The following FAT3 variants were observed in gnomAD, a reference collection of about 807,000 sequenced individuals.
FAT3 encodes protocadherin Fat 3.
Under a neutral mutation model 310.2 loss-of-function variants are expected in FAT3, and 95 were observed. The ratio of observed to expected loss-of-function variants is 0.31; its 90% CI spans 0.26 to 0.36. The LOEUF (loss-of-function observed/expected upper bound fraction) is 0.36, where lower values mean the gene tolerates loss of function less well. Ranked by LOEUF, FAT3 falls within the 10% of genes least tolerant of loss-of-function variation. The pLI, the probability that FAT3 is intolerant of heterozygous loss-of-function variation, is 1.00. For synonymous variants in FAT3, 2,314 were observed against 2,192.9 expected (o/e 1.06, Z -1.54); for missense variants, 5,408 against 5,715.6 (o/e 0.95, Z 1.74).
chr11:92,335,325 T>G (rs899046150), intron 1 of FAT3, among the ~76,000 whole-genome samples: 1 of 152,210 alleles, frequency 6.6e-6, no homozygotes, highest in Non-Finnish European at 1.5e-5. Context: ...ACTCTTTGAC[T>G]TGTTATTTAG....
intron 3 of FAT3, among the ~76,000 whole-genome samples, chr11:92,612,515 A>G (rs1940613738): frequency 6.6e-6 from 1 of 152,226 alleles, no homozygotes; most frequent in Non-Finnish European, 1.5e-5. Context: ...CAGGATTTCT[A>G]TGCAATTCAA....
chr11:92,876,145 T>G (rs962946008), intron 22 of FAT3, among the ~76,000 whole-genome samples: 1 of 152,192 alleles, frequency 6.6e-6, no homozygotes, highest in Non-Finnish European at 1.5e-5. Flanking sequence ...CAAGTTTACC[T>G]ACCTTGCCTT....
intron 1 of FAT3, among the ~76,000 whole-genome samples, chr11:92,312,013 G>A (rs973719707): frequency 4.0e-5 from 6 of 151,732 alleles, no homozygotes; most frequent in African/African-American, 1.5e-4. Context: ...CAAATACTTC[G>A]CCTTCATAAT....
chr11:92,687,463 C>T (rs1396033114), intron 3 of FAT3, among the ~76,000 whole-genome samples: 1 of 152,196 alleles, frequency 6.6e-6, no homozygotes, highest in African/African-American at 2.4e-5. Context: ...AGGCCCAGTA[C>T]AAACACAGCT....
intron 2 of FAT3, among the ~76,000 whole-genome samples, chr11:92,404,460 A>C (rs1269251190): frequency 6.6e-6 from 1 of 151,690 alleles, no homozygotes; most frequent in Admixed American, 6.6e-5. Context: ...ACCTTTGTCA[A>C]ATTCTCAACA....
In FAT3 at chr11:92,271,978, G is replaced by T. The variant is rs1485717185; in HGVS notation, c.-18+46804G>T. 2.0e-5 allele frequency among the ~76,000 whole-genome samples: 3 copies of T among 152,080 alleles called. No individual in the cohort carries two copies. In the East Asian group the frequency reaches 5.8e-4, roughly 29 times the overall value. ...TTCTTTCTTAGTTTGGGGGTAGTTT[G>T]TGTGAGACTGTACTCTTTTCATTAT... On this transcript the variant is annotated intron_variant, in intron 1 of 27. Transcript: ENST00000525166.
chr11:92,655,772 A>G (rs1254788656), intron 3 of FAT3, among the ~76,000 whole-genome samples: 3 of 152,136 alleles, frequency 2.0e-5, no homozygotes, highest in South Asian at 4.1e-4. Flanking sequence ...ATTGCCGTCA[A>G]TGGACCAAAC....
At chr11:92,613,934 A>G (rs969191829) in intron 3 of FAT3, among the ~76,000 whole-genome samples, 5 of 152,014 alleles carry the variant, frequency 3.3e-5, no homozygotes, top group Admixed American at 2.6e-4. Context: ...CAGCAACCAT[A>G]TGTCTATTTT....
At chr11:92,744,929 G>A (rs529522352) in intron 4 of FAT3, among the ~76,000 whole-genome samples, 28 of 152,214 alleles carry the variant, frequency 1.8e-4, no homozygotes, top group Non-Finnish European at 3.1e-4. Flanking sequence ...CTGCTAAATC[G>A]CCCAGAAATC....
At chr11:92,753,065 C>T (rs1174495635) in intron 4 of FAT3, among the ~76,000 whole-genome samples, 3 of 152,170 alleles carry the variant, frequency 2.0e-5, no homozygotes, top group Admixed American at 1.3e-4. Context: ...ATTTGACCCT[C>T]CTCCCATCTA....
At chr11:92,451,126 T>C (rs906746696) in intron 2 of FAT3, among the ~76,000 whole-genome samples, 4 of 152,308 alleles carry the variant, frequency 2.6e-5, no homozygotes, top group Admixed American at 2.0e-4. Context: ...TTTCAAGCAC[T>C]TGACTGAAAG....
At chr11:92,497,458 A>AT (rs1565362407) in intron 2 of FAT3, among the ~76,000 whole-genome samples, 2 of 152,056 alleles carry the variant, frequency 1.3e-5, no homozygotes. Flanking sequence ...GCTCTTGCAC[A>AT]TACATTTTTC....
chr11:92,816,118 A>C (rs549003981), intron 13 of FAT3, among the ~76,000 whole-genome samples: 236 of 152,358 alleles, frequency 1.5e-3, no homozygotes, highest in Non-Finnish European at 1.7e-3. Flanking sequence ...AAATGCTAAG[A>C]GTTGGGACTT....
intron 1 of FAT3, among the ~76,000 whole-genome samples, chr11:92,235,202 A>C (rs1234220846): frequency 6.6e-6 from 1 of 151,948 alleles, no homozygotes; most frequent in Non-Finnish European, 1.5e-5. Context: ...AGTTCCCCTC[A>C]TCTCTCAGGG....
chr11:92,455,449 A>T (rs1951471259), intron 2 of FAT3, among the ~76,000 whole-genome samples: 2 of 152,112 alleles, frequency 1.3e-5, no homozygotes, highest in African/African-American at 2.4e-5. Flanking sequence ...TTGTTAATTC[A>T]TGGGCTGATG....
At chr11:92,334,010 C>A (rs1442172475) in intron 1 of FAT3, among the ~76,000 whole-genome samples, 1 of 152,042 alleles carries the variant, frequency 6.6e-6, no homozygotes, top group African/African-American at 2.4e-5. Context: ...ATGTAGTTAA[C>A]CAGTATTCAA....
chr11:92,454,487 A>G lies in FAT3; in HGVS notation c.3293-70147A>G, dbSNP rs150874729. ...GGAACTCAACATTTATATTTCTTTA[A>G]TTTTTCTGTTTCATCCCACTCCATT... is the stretch of plus-strand genomic sequence containing the variant. On this transcript the variant is annotated intron_variant, in intron 2 of 27. Coordinates refer to ENST00000525166, the MANE Select transcript of FAT3 (RefSeq NM_001367949.2). 1.6e-4 allele frequency among the ~76,000 whole-genome samples: 24 copies of G among 152,250 alleles called. 1 individual carries two copies. In the East Asian group the frequency reaches 4.2e-3, roughly 27 times the overall value.
At chr11:92,346,861 A>T (rs975022825) in intron 1 of FAT3, among the ~76,000 whole-genome samples, 3 of 152,028 alleles carry the variant, frequency 2.0e-5, no homozygotes, top group African/African-American at 7.2e-5. Context: ...TTTACCTTTG[A>T]TGGGTGTTTT....
chr11:92,419,723 C>T (rs557433144), intron 2 of FAT3, among the ~76,000 whole-genome samples: 1 of 152,068 alleles, frequency 6.6e-6, no homozygotes, highest in African/African-American at 2.4e-5. Flanking sequence ...CAGCTGTGTA[C>T]CTGTCACTAA....
Sources: gnomAD v4.1 joint callset for allele counts (sites outside exome capture counted in the v4.1 genomes callset) on GRCh38, gnomAD v4.1.1 for gene constraint, MANE v1.5 for transcripts, NCBI Gene and HGNC (gene_info 2026-07-23, HGNC 2026-07-21) for gene names.